Variants in ADAMTS5 observed in about 807,000 individuals in gnomAD.
ADAMTS5 encodes ADAM metallopeptidase with thrombospondin type 1 motif 5.
ADAMTS5 carries 54 observed loss-of-function variants against 81.4 expected under a neutral mutation model. The observed-to-expected ratio is 0.66, with a 90% CI of 0.53 to 0.83. The LOEUF (loss-of-function observed/expected upper bound fraction) is 0.83, where lower values mean the gene tolerates loss of function less well. ADAMTS5 is among the 40% of genes least tolerant of loss of function. The probability of loss-of-function intolerance (pLI) is 0.00; values close to 1 mark genes in which losing one functional copy is unlikely to be tolerated. For synonymous variants in ADAMTS5, 532 were observed against 508.8 expected (o/e 1.05, Z -0.61); for missense variants, 1,194 against 1,229.9 (o/e 0.97, Z 0.44).
chr21:26,932,752 C>G, intron 5 of ADAMTS5, 109 bp downstream of exon 5: 4 of 1,202,872 alleles, frequency 3.3e-6, no homozygotes, highest in Non-Finnish European at 4.5e-6. Flanking sequence ...ATTGGTGGAA[C>G]TGTGCAGTAT....
chr21:26,933,478 C>T (rs1196498986), intron 4 of ADAMTS5, among the ~76,000 whole-genome samples: 3 of 152,194 alleles, frequency 2.0e-5, no homozygotes, highest in Non-Finnish European at 4.4e-5. Flanking sequence ...GTGTTTGCAT[C>T]TCTTCAGCAG....
chr21:26,948,630 G>C (rs1410311392), intron 2 of ADAMTS5, among the ~76,000 whole-genome samples: 1 of 152,142 alleles, frequency 6.6e-6, no homozygotes, highest in African/African-American at 2.4e-5. Context: ...TCTTTACATA[G>C]ATGTGATAAA....
intron 3 of ADAMTS5, among the ~76,000 whole-genome samples, chr21:26,940,279 G>A (rs547920268): frequency 1.6e-4 from 25 of 152,124 alleles, no homozygotes; most frequent in Non-Finnish European, 2.6e-4. Flanking sequence ...TATATGTGTT[G>A]TCAGATTACC....
rs777431296 is a variant in ADAMTS5 at position 26,934,522 on chromosome 21, C to A, written c.1633G>T (p.Gly545Trp). Residue 545 changes from glycine (G) to tryptophan (W), a missense_variant, in exon 4 of 8, where the codon GGG (glycine) becomes TGG (tryptophan). Coordinates refer to ENST00000284987, the MANE Select transcript of ADAMTS5 (RefSeq NM_007038.5). ...CATTTGCCCTGCAGGCAGATTCTCC[C>A]CTTTCCACAAGGCGTCCCTTCCACC... ...PAVEGTPCGKGRICLQGKCVD... is the reference protein window; with the variant it reads ...PAVEGTPCGKWRICLQGKCVD... 3 of 1,614,038 alleles carry A rather than the reference C, an allele frequency of 1.9e-6. No individual in the cohort carries two copies. The highest frequency in any genetic ancestry group is 2.5e-6 in the Non-Finnish European group (3 of 1,180,054).
intron 3 of ADAMTS5, 81 bp from the exon 4 acceptor site, chr21:26,934,830 C>T (rs1449005215): frequency 1.3e-6 from 2 of 1,548,284 alleles, no homozygotes; most frequent in Non-Finnish European, 1.8e-6. Context: ...AATGAAATGC[C>T]CCGGCTGGTG....
intron 1 of ADAMTS5, among the ~76,000 whole-genome samples, chr21:26,961,235 G>A (rs162501): frequency 0.16 from 24,592 of 152,190 alleles, 2,163 homozygotes; most frequent in African/African-American, 0.2. Flanking sequence ...TTACACAATG[G>A]TTACAGATTG....
At chr21:26,955,566 C>A (rs1329077447) in intron 1 of ADAMTS5, among the ~76,000 whole-genome samples, 2 of 152,052 alleles carry the variant, frequency 1.3e-5, no homozygotes, top group African/African-American at 4.8e-5. Flanking sequence ...GTCATGTAAT[C>A]TTTTAAGAGA....
intron 7 of ADAMTS5, among the ~76,000 whole-genome samples, chr21:26,926,667 TAAAAA>T (rs35848324): frequency 1.6e-5 from 2 of 123,358 alleles, no homozygotes; most frequent in Non-Finnish European, 3.4e-5. Context: ...GACCCTGTCT[TAAAAA>T]AAAAAAAAAA....
At chr21:26,960,451 G>A (rs781199536) in intron 1 of ADAMTS5, among the ~76,000 whole-genome samples, 1 of 152,194 alleles carries the variant, frequency 6.6e-6, no homozygotes, top group African/African-American at 2.4e-5. Context: ...AGGTAAATGA[G>A]GTTAAATGAG....
chr21:26,966,066 C>A lies in ADAMTS5; in HGVS notation c.326G>T (p.Gly109Val), dbSNP rs755844086. 1 of 1,613,260 alleles carries A rather than the reference C, an allele frequency of 6.2e-7. No homozygotes were observed. The highest frequency in any genetic ancestry group is 1.1e-5 in the South Asian group (1 of 91,078). The change falls in exon 1 of 8, where the codon GGC (glycine) becomes GTC (valine). Residue 109 changes from glycine (G) to valine (V), a missense_variant. By Grantham distance (109) the Gly-to-Val change is moderately radical (BLOSUM62 -3). This residue lies in a region of ADAMTS5 where 498 missense variants were observed against 412.3 expected (regional missense o/e 1.21). Transcript: ENST00000284987. The part of the protein sequence containing the change: ...LLDLERDGSV[G>V]IAGFVPAGGG... ...TCCTGCGGGCACGAAGCCAGCAATG[C>A]CCACCGAACCATCTCGCTCCAGGTC... is the stretch of plus-strand genomic sequence containing the variant.
At chr21:26,939,971 CTT>C (rs1331498679) in intron 3 of ADAMTS5, among the ~76,000 whole-genome samples, 1 of 152,162 alleles carries the variant, frequency 6.6e-6, no homozygotes, top group Non-Finnish European at 1.5e-5. Flanking sequence ...GACACAGTGA[CTT>C]TAGAGTGAGC....
chr21:26,953,274 A>G (rs1987355896), intron 2 of ADAMTS5, among the ~76,000 whole-genome samples: 1 of 152,218 alleles, frequency 6.6e-6, no homozygotes, highest in Admixed American at 6.5e-5. Flanking sequence ...CAGATCTTTG[A>G]CTACTGAAGC....
At chr21:26,958,344 G>A (rs1987466094) in intron 1 of ADAMTS5, among the ~76,000 whole-genome samples, 1 of 152,044 alleles carries the variant, frequency 6.6e-6, no homozygotes, top group African/African-American at 2.4e-5. Flanking sequence ...CAAGCATGGA[G>A]CTCAAGGGAA....
intron 3 of ADAMTS5, chr21:26,939,839 C>T (rs777744199): frequency 6.6e-6 from 1 of 152,234 alleles, no homozygotes; most frequent in Admixed American, 6.5e-5. Flanking sequence ...ATACTCCTAG[C>T]CAGCTTGCCT....
At position 26,965,677 on chromosome 21, in the gene ADAMTS5, A is replaced by G. The variant is rs1987634210; in HGVS notation, c.715T>C (p.Leu239=). The G allele has an allele frequency of 6.3e-6, 10 of 1,586,722 alleles. No homozygotes were observed. The highest frequency in any genetic ancestry group is 8.6e-6 in the Non-Finnish European group (10 of 1,169,000). ...GCGGGCGAGAGAGCGGACTGGTCCAAGAGCTGCGAGGCCAGTGCTGCGCGT... is the reference window on the plus strand; with the variant it reads ...GCGGGCGAGAGAGCGGACTGGTCCAGGAGCTGCGAGGCCAGTGCTGCGCGT... The part of the protein sequence containing the change: ...SGRAALASQL[L]DQSALSPAGG... The change falls in exon 1 of 8, where the codon TTG becomes CTG. Residue 239 remains leucine (L), a synonymous_variant. Coordinates refer to ENST00000284987, the MANE Select transcript of ADAMTS5 (RefSeq NM_007038.5).
intron 7 of ADAMTS5, among the ~76,000 whole-genome samples, chr21:26,925,001 C>A (rs1287532149): frequency 1.3e-5 from 2 of 152,184 alleles, no homozygotes; most frequent in East Asian, 3.8e-4. Context: ...TAAACACAAA[C>A]TGACAAAAAT....
intron 2 of ADAMTS5, 24 bp downstream of exon 2, chr21:26,954,715 G>A (rs1347409947): frequency 6.2e-7 from 1 of 1,609,908 alleles, no homozygotes; most frequent in Admixed American, 1.7e-5. Context: ...GATTTGGTGA[G>A]GGAAAAGAAA....
At chr21:26,961,784 A>C (rs1444288433) in intron 1 of ADAMTS5, among the ~76,000 whole-genome samples, 1 of 152,196 alleles carries the variant, frequency 6.6e-6, no homozygotes, top group Non-Finnish European at 1.5e-5. Flanking sequence ...TTTTGACTTT[A>C]AATGAGATTT....
At chr21:26,953,321 C>CAGTG (rs1987356851) in intron 2 of ADAMTS5, among the ~76,000 whole-genome samples, 1 of 152,198 alleles carries the variant, frequency 6.6e-6, no homozygotes, top group Non-Finnish European at 1.5e-5. Context: ...GAATTATTCT[C>CAGTG]AGTGATGCTA....
Sources: allele counts gnomAD v4.1 joint callset (sites outside exome capture counted in the v4.1 genomes callset), GRCh38; gene constraint gnomAD v4.1.1; regional missense constraint gnomAD v4.1.1; transcripts MANE v1.5; gene names NCBI Gene and HGNC (gene_info 2026-07-23, HGNC 2026-07-21).